MAP3K10: variants seen among roughly 807,000 people sequenced by gnomAD.
The protein encoded by MAP3K10 is MKN28 derived nonreceptor_type serine/threonine kinase.
MAP3K10 carries 22 observed loss-of-function variants against 75.0 expected under a neutral mutation model. The ratio of observed to expected loss-of-function variants is 0.29; its 90% CI spans 0.21 to 0.42. The LOEUF (loss-of-function observed/expected upper bound fraction) is 0.42. Ranked by LOEUF, MAP3K10 falls within the 10% of genes least tolerant of loss-of-function variation. MAP3K10 has a pLI of 1.00. For missense variants in MAP3K10, 1,165 were observed against 1,379.8 expected (o/e 0.84, Z 2.47); for synonymous variants, 599 against 612.9 (o/e 0.98, Z 0.34).
Position 40,212,872 on chromosome 19 carries a change from C to G in MAP3K10, c.1620C>G (p.Arg540=), listed in dbSNP as rs774877766. The G allele has an allele frequency of 4.3e-6, 7 of 1,611,444 alleles. No homozygotes were observed. The highest frequency in any genetic ancestry group is 5.9e-6 in the Non-Finnish European group (7 of 1,179,266). The change falls in exon 7 of 10, where the codon CGC becomes CGG. Residue 540 remains arginine, a synonymous_variant. Coordinates refer to ENST00000253055, the MANE Select transcript of MAP3K10 (RefSeq NM_002446.4). This position sits in a 1 kb window ranked among gnomAD's most constrained non-coding sequence, Gnocchi z 4.2. ...GTGGAGGAAGTGGGACATGGAGCCG[C>G]GGTGGGCCCCCAAAGAAGGAAGAAC... ...SSSGGSGTWS[R]GGPPKKEELV...
chr19:40,192,581 A>T lies in MAP3K10; in HGVS notation c.550A>T (p.Arg184Trp). ...MEYARGGALS[R>W]VLAGRRVPPH... Reference sequence around the variant, plus strand: ...GTATGCCCGGGGTGGTGCACTGAGCAGGGTGCTGGCAGGTCGCCGGGTGCC... The same window carrying T: ...GTATGCCCGGGGTGGTGCACTGAGCTGGGTGCTGGCAGGTCGCCGGGTGCC... Residue 184 changes from arginine (R) to tryptophan (W), a missense_variant, in exon 1 of 10, where the codon AGG (arginine) becomes TGG (tryptophan). Coordinates refer to ENST00000253055, the MANE Select transcript of MAP3K10 (RefSeq NM_002446.4). The surrounding 1 kb of genome is among the most constrained non-coding windows in gnomAD (Gnocchi z 7.1). The T allele has an allele frequency of 6.2e-7, 1 of 1,613,394 alleles. No individual in the cohort carries two copies. The highest frequency in any genetic ancestry group is 2.2e-5 in the East Asian group (1 of 44,872).
rs190595288 is a variant in MAP3K10 at position 40,208,447 on chromosome 19, C to T, written c.1436-656C>T. Among the ~76,000 whole-genome samples the T allele has an allele frequency of 2.3e-3, 328 of 144,590 alleles. 1 individual carries two copies. Among genetic ancestry groups the T allele is most frequent in the African/African-American group, 7.9e-3 (314 of 39,778 alleles). The allele number at this position is 144,590 out of a possible 152,430, so 94.9% of individuals were successfully genotyped here. A position where few individuals can be genotyped will look rare whatever the true frequency, so the allele number is the denominator to read the frequency against. ...TCCTGACCTCGTGATCCGCCTGCCTCGGCCTCCCAAAGTGCTGGGATTACA... is the reference window on the plus strand; with the variant it reads ...TCCTGACCTCGTGATCCGCCTGCCTTGGCCTCCCAAAGTGCTGGGATTACA... On this transcript the variant is annotated intron_variant, in intron 5 of 9. Coordinates refer to ENST00000253055, the MANE Select transcript of MAP3K10 (RefSeq NM_002446.4).
intron 6 of MAP3K10, among the ~76,000 whole-genome samples, chr19:40,210,940 A>G (rs1206295941): frequency 6.6e-6 from 1 of 152,164 alleles, no homozygotes; most frequent in Non-Finnish European, 1.5e-5. Flanking sequence ...TGAAATGCTA[A>G]TCATCCAGCA....
At chr19:40,214,320 C>A in intron 9 of MAP3K10, 99 bp downstream of exon 9, 1 of 1,282,964 alleles carries the variant, frequency 7.8e-7, no homozygotes, top group Non-Finnish European at 1.0e-6. Context: ...CAGGCAGCCA[C>A]CTCCTGCTTC....
chr19:40,195,710 G>A (rs962820971), intron 1 of MAP3K10, among the ~76,000 whole-genome samples: 3 of 151,986 alleles, frequency 2.0e-5, no homozygotes, highest in Non-Finnish European at 4.4e-5. Flanking sequence ...GGCCAGGCTG[G>A]TCTTGAACTC....
intron 5 of MAP3K10, among the ~76,000 whole-genome samples, chr19:40,208,345 C>CTTTTTTTTTTTTTTTTTTTTT (rs747110243): frequency 7.2e-5 from 4 of 55,904 alleles, no homozygotes; most frequent in African/African-American, 1.3e-4. Flanking sequence ...CTCTTTCTTT[C>CTTTTTTTTTTTTTTTTTTTTT]TTTTTTTTTT....
intron 1 of MAP3K10, among the ~76,000 whole-genome samples, chr19:40,196,045 A>G (rs931351192): frequency 6.6e-6 from 1 of 152,202 alleles, no homozygotes; most frequent in African/African-American, 2.4e-5. Context: ...GCTTCAGGCA[A>G]TAAATTTTTA....
Position 40,212,839 on chromosome 19 carries a change from C to A in MAP3K10, c.1587C>A (p.Gly529=). 1 of 1,602,300 alleles carries A rather than the reference C, an allele frequency of 6.2e-7. No individual in the cohort carries two copies. The part of the protein sequence containing the change: ...TPVDCGGSSS[G]SSSGGSGTWS... ...TGGACTGTGGTGGCAGCAGCAGTGGCAGCAGCAGTGGAGGAAGTGGGACAT... is the reference window on the plus strand; with the variant it reads ...TGGACTGTGGTGGCAGCAGCAGTGGAAGCAGCAGTGGAGGAAGTGGGACAT... Residue 529 remains glycine, a synonymous_variant, in exon 7 of 10, where the codon GGC becomes GGA. Transcript: ENST00000253055. The surrounding 1 kb of genome is among the most constrained non-coding windows in gnomAD (Gnocchi z 4.2).
At chr19:40,197,737 G>C (rs536662406) in intron 1 of MAP3K10, among the ~76,000 whole-genome samples, 2 of 152,186 alleles carry the variant, frequency 1.3e-5, no homozygotes, top group Non-Finnish European at 2.9e-5. Context: ...TGATAGACAC[G>C]AGGGGGAAGC....
In MAP3K10 at chr19:40,211,535, AC is replaced by A. The variant is rs547090473; in HGVS notation, c.1553-1264del. On this transcript the variant is annotated intron_variant, in intron 6 of 9. Coordinates refer to ENST00000253055, the MANE Select transcript of MAP3K10 (RefSeq NM_002446.4). ...CCTAATATTCTCCCTCCCCCACCCT[AC>A]CCCCCAACAGGCCCCAGTGTCCGTT... Among the ~76,000 whole-genome samples, 39 of 118,694 alleles carry A rather than the reference AC, an allele frequency of 3.3e-4. No homozygotes were observed. The South Asian group carries it at 0.01, about 31-fold the overall frequency. The allele number at this position is 118,694 out of a possible 152,430, so 77.9% of individuals were successfully genotyped here.
chr19:40,212,607 G>C lies in MAP3K10; in HGVS notation c.1553-198G>C, dbSNP rs1265015016. 6.6e-6 allele frequency among the ~76,000 whole-genome samples: 1 copy of C among 152,228 alleles called. No individual in the cohort carries two copies. Among genetic ancestry groups the C allele is most frequent in the African/African-American group, 2.4e-5 (1 of 41,456 alleles). ...GAACCGCTCATGGCCTTCAGTGCCA[G>C]GCGGAGGAGCTGGAACCTTGTCCTG... is the stretch of plus-strand genomic sequence containing the variant. On this transcript the variant is annotated intron_variant, in intron 6 of 9. Transcript: ENST00000253055. The surrounding 1 kb of genome is among the most constrained non-coding windows in gnomAD (Gnocchi z 4.2).
In MAP3K10 at chr19:40,205,921, G is replaced by T; in HGVS notation, c.1199G>T (p.Ser400Ile). Reference sequence around the variant, plus strand: ...GCCTCTCCTTCCCAGGAGCTTCGGAGCCGTGAGGAGGAGCTGCTGCGGGCG... The same window carrying T: ...GCCTCTCCTTCCCAGGAGCTTCGGATCCGTGAGGAGGAGCTGCTGCGGGCG... ...DLRTKEKELR[S>I]REEELLRAAQ... Residue 400 changes from serine to isoleucine, a missense_variant, in exon 5 of 10, where the codon AGC becomes ATC. By Grantham distance (142) the Ser-to-Ile change is moderately radical. Transcript: ENST00000253055. This position sits in a 1 kb window ranked among gnomAD's most constrained non-coding sequence, Gnocchi z 4.3. 2 of 1,566,918 alleles carry T rather than the reference G, an allele frequency of 1.3e-6. No individual in the cohort carries two copies. Among genetic ancestry groups the T allele is most frequent in the South Asian group, 1.2e-5 (1 of 85,508 alleles).
At position 40,215,365 on chromosome 19, in the gene MAP3K10, A is replaced by C. The variant is rs989272030; in HGVS notation, c.*73A>C. On this transcript the variant is annotated 3_prime_UTR_variant, in exon 10 of 10. Coordinates refer to ENST00000253055, the MANE Select transcript of MAP3K10 (RefSeq NM_002446.4). ...AGGCCCTGCCCCAGCCCGCCATGCC[A>C]CAAGGTGGGGGAGGCCCTGGGCAGG... The C allele has an allele frequency of 1.2e-5, 17 of 1,375,590 alleles. No individual in the cohort carries two copies. The highest frequency in any genetic ancestry group is 1.7e-5 in the Non-Finnish European group (17 of 1,014,000). 85.2% of individuals were successfully genotyped at this position (1,375,590 alleles called of 1,614,324 possible). A position where few individuals can be genotyped will look rare whatever the true frequency, so the allele number is the denominator to read the frequency against.
intron 1 of MAP3K10, among the ~76,000 whole-genome samples, chr19:40,193,606 T>C (rs1972855229): frequency 6.6e-6 from 1 of 152,156 alleles, no homozygotes; most frequent in African/African-American, 2.4e-5. Flanking sequence ...GGCTAGCAAT[T>C]TCATTCATTC....
chr19:40,214,010 A>ACCCAC lies in MAP3K10; in HGVS notation c.2334_2335insACCCC (p.Ser779ThrfsTer45). 1.4e-6 allele frequency: 1 copy of ACCCAC among 726,374 alleles called. No individual in the cohort carries two copies. Among genetic ancestry groups the ACCCAC allele is most frequent in the Non-Finnish European group, 1.9e-6 (1 of 538,530 alleles). The allele number at this position is 726,374 out of a possible 1,614,324, so 45.0% of individuals were successfully genotyped here. ...CCGCACCGGCCGCGCCCTCCCCACC[A>ACCCAC]CCCTCCCCGCCCGCGCCCACACCCA... On this transcript the variant is annotated frameshift_variant, in exon 9 of 10. Transcript: ENST00000253055. LOFTEE classifies it high-confidence loss of function.
chr19:40,214,478 A>G (rs920667238), intron 9 of MAP3K10, among the ~76,000 whole-genome samples: 6 of 152,178 alleles, frequency 3.9e-5, no homozygotes, highest in Non-Finnish European at 4.4e-5. Context: ...ACCATCGCCA[A>G]TTCTTACACA....
chr19:40,204,865 G>T lies in MAP3K10; in HGVS notation c.1012+232G>T. Reference sequence around the variant, plus strand: ...TCAGGACAACCTGTTAGGATTCCTTGGCCCTGGGATTCCACCTTGATCCTG... The same window carrying T: ...TCAGGACAACCTGTTAGGATTCCTTTGCCCTGGGATTCCACCTTGATCCTG... On this transcript the variant is annotated intron_variant, in intron 3 of 9. Coordinates refer to ENST00000253055, the MANE Select transcript of MAP3K10 (RefSeq NM_002446.4). The surrounding 1 kb of genome is among the most constrained non-coding windows in gnomAD (Gnocchi z 4.3). The T allele has an allele frequency of 1.6e-6, 1 of 631,974 alleles. No individual in the cohort carries two copies. The highest frequency in any genetic ancestry group is 2.7e-6 in the Non-Finnish European group (1 of 368,562). 39.1% of individuals were successfully genotyped at this position (631,974 alleles called of 1,614,324 possible). A position where few individuals can be genotyped will look rare whatever the true frequency, so the allele number is the denominator to read the frequency against.
Position 40,205,245 on chromosome 19 carries a change from C to T in MAP3K10, c.1137C>T (p.Asp379=). Residue 379 remains aspartate, a synonymous_variant, in exon 4 of 10, where the codon GAC becomes GAT. Coordinates refer to ENST00000253055, the MANE Select transcript of MAP3K10 (RefSeq NM_002446.4). This position sits in a 1 kb window ranked among gnomAD's most constrained non-coding sequence, Gnocchi z 4.3. Reference sequence around the variant, plus strand: ...AGTCCTTCCACTCGCTGCAGGAAGACTGGAAGCTGGAGATTCAGCACATGT... The same window carrying T: ...AGTCCTTCCACTCGCTGCAGGAAGATTGGAAGCTGGAGATTCAGCACATGT... ...PLESFHSLQE[D]WKLEIQHMFD... 1 of 1,614,092 alleles carries T rather than the reference C, an allele frequency of 6.2e-7. No homozygotes were observed. The highest frequency in any genetic ancestry group is 8.5e-7 in the Non-Finnish European group (1 of 1,180,040).
chr19:40,196,371 G>A (rs1471679180), intron 1 of MAP3K10, among the ~76,000 whole-genome samples: 1 of 152,164 alleles, frequency 6.6e-6, no homozygotes, highest in Non-Finnish European at 1.5e-5. Flanking sequence ...GGTTGTGGCT[G>A]GGTGCAGTGG....
Sources: allele counts gnomAD v4.1 joint callset (sites outside exome capture counted in the v4.1 genomes callset), GRCh38; gene constraint gnomAD v4.1.1; non-coding constraint Gnocchi (gnomAD v3.1); transcripts MANE v1.5; gene names NCBI Gene and HGNC (gene_info 2026-07-23, HGNC 2026-07-21).